FREM1: variants seen among roughly 807,000 people sequenced by gnomAD.
FREM1 encodes the protein FRAS1 related extracellular matrix 1, also known as FRAS1-related extracellular matrix protein 1.
In FREM1, 220 loss-of-function variants were observed where a neutral mutation model predicts 210.1. The observed-to-expected ratio is 1.05, with a 90% CI of 0.94 to 1.17. The LOEUF is 1.17. Among genes scored for constraint, FREM1 ranks in the 50% most tolerant of loss-of-function variants. The pLI is 0.00. For synonymous variants in FREM1, 1,189 were observed against 980.2 expected (o/e 1.21, Z -3.98); for missense variants, 3,454 against 2,675.5 (o/e 1.29, Z -6.42).
At chr9:14,908,901 G>A (rs555382150) in intron 1 of FREM1, among the ~76,000 whole-genome samples, 5 of 152,260 alleles carry the variant, frequency 3.3e-5, no homozygotes, top group Middle Eastern at 3.4e-3. Context: ...GCCTGATGGA[G>A]AGAAACAGCA....
At chr9:14,806,146 C>T (rs1207710297) in intron 18 of FREM1, among the ~76,000 whole-genome samples, 3 of 151,870 alleles carry the variant, frequency 2.0e-5, no homozygotes, top group Non-Finnish European at 2.9e-5. Flanking sequence ...AGTAAATTTG[C>T]ATGCAAGGGG....
At chr9:14,883,645 A>G (rs1361872439) in intron 1 of FREM1, among the ~76,000 whole-genome samples, 3 of 152,370 alleles carry the variant, frequency 2.0e-5, no homozygotes, top group East Asian at 3.9e-4. Flanking sequence ...TAACACCTCA[A>G]AATGAGACGG....
At chr9:14,748,163 AAAG>A (rs1842787815) in intron 31 of FREM1, among the ~76,000 whole-genome samples, 1 of 152,172 alleles carries the variant, frequency 6.6e-6, no homozygotes, top group South Asian at 2.1e-4. Context: ...AAAAGGAATC[AAAG>A]AAGAAATCAT....
chr9:14,806,534 A>G, intron 18 of FREM1, 127 bp downstream of exon 18: 2 of 648,958 alleles, frequency 3.1e-6, no homozygotes. Context: ...GATTACAGGC[A>G]TCAGCCACCA....
intron 1 of FREM1, among the ~76,000 whole-genome samples, chr9:14,886,980 T>A (rs1028088911): frequency 1.3e-5 from 2 of 151,416 alleles, no homozygotes; most frequent in Non-Finnish European, 2.9e-5. Flanking sequence ...TTCATACAAA[T>A]GAATTTCCAA....
At chr9:14,805,176 G>A in intron 18 of FREM1, 24 bp from the exon 19 acceptor site, 1 of 1,416,010 alleles carries the variant, frequency 7.1e-7, no homozygotes, top group Non-Finnish European at 9.3e-7. Flanking sequence ...AGATGGAACA[G>A]ATAAATAAAA....
At chr9:14,825,547 G>GTATATATATATA (rs372128983) in intron 10 of FREM1, among the ~76,000 whole-genome samples, 4 of 75,888 alleles carry the variant, frequency 5.3e-5, no homozygotes, top group South Asian at 4.8e-4. Context: ...GTGTGTGTGT[G>GTATATATATATA]TATATATATA....
intron 24 of FREM1, 62 bp downstream of exon 24, chr9:14,784,308 G>T: frequency 6.7e-7 from 1 of 1,491,880 alleles, no homozygotes; most frequent in Non-Finnish European, 9.2e-7. Context: ...CACATTAACA[G>T]ATCTCCTTTT....
Position 14,824,200 on chromosome 9 carries a change from A to T in FREM1, c.2079-85T>A, listed in dbSNP as rs528194550. The stretch of plus-strand genomic sequence containing the variant: ...ATAGCCCACAATCAAAAACTGAAAG[A>T]CTTCATTGTGAGAAGAAATTGGGTG... On this transcript the variant is annotated intron_variant, in intron 11 of 36. Transcript: ENST00000380880. The T allele has an allele frequency of 6.2e-6, 5 of 806,234 alleles. No individual in the cohort carries two copies. The South Asian group carries it at 8.0e-5, about 13-fold the overall frequency. The allele number at this position is 806,234 out of a possible 1,614,324, so 49.9% of individuals were successfully genotyped here. A position where few individuals can be genotyped will look rare whatever the true frequency, so the allele number is the denominator to read the frequency against.
intron 3 of FREM1, among the ~76,000 whole-genome samples, chr9:14,860,864 C>CATATATACGT (rs1564102725): frequency 2.0e-5 from 1 of 49,878 alleles, no homozygotes; most frequent in Non-Finnish European, 3.2e-5. Flanking sequence ...TATATATACA[C>CATATATACGT]ATATATATAC....
intron 8 of FREM1, among the ~76,000 whole-genome samples, chr9:14,845,106 A>G (rs1226207055): frequency 6.6e-6 from 1 of 152,226 alleles, no homozygotes; most frequent in Non-Finnish European, 1.5e-5. Flanking sequence ...TAAGAAGATA[A>G]TTGAATTAAA....
intron 1 of FREM1, among the ~76,000 whole-genome samples, chr9:14,897,191 T>C (rs1564194148): frequency 6.6e-6 from 1 of 152,216 alleles, no homozygotes; most frequent in Non-Finnish European, 1.5e-5. Flanking sequence ...ACTCACTTTG[T>C]ACCTGGCACT....
At chr9:14,859,611 A>C (rs2131566404) in intron 3 of FREM1, 127 bp from the exon 4 acceptor site, 1 of 752,162 alleles carries the variant, frequency 1.3e-6, no homozygotes, top group Non-Finnish European at 2.2e-6. Context: ...TTTGGATTTC[A>C]TTTCTTGCTC....
At chr9:14,808,395 C>G (rs1818760122) in intron 16 of FREM1, among the ~76,000 whole-genome samples, 1 of 152,176 alleles carries the variant, frequency 6.6e-6, no homozygotes, top group Non-Finnish European at 1.5e-5. Flanking sequence ...ACTGGGCCAA[C>G]AAGGGTCTGA....
chr9:14,770,894 C>T (rs1847450520), intron 25 of FREM1, 88 bp from the exon 26 acceptor site: 2 of 899,764 alleles, frequency 2.2e-6, no homozygotes, highest in Admixed American at 2.2e-5. Flanking sequence ...CAATGACACA[C>T]TGTCCCACGT....
chr9:14,789,054 G>C lies in FREM1; in HGVS notation c.4042C>G (p.Leu1348Val), dbSNP rs1850866832. The C allele has an allele frequency of 1.2e-6, 2 of 1,608,904 alleles. No homozygotes were observed. The highest frequency in any genetic ancestry group is 4.5e-5 in the East Asian group (2 of 44,716). ...GTGTGTGTGTATCTCAGCAAGTTCA[G>C]ATCCACTTCCTCCTGAGTGCATTTC... ...GMKCTQEEVD[L>V]NLLRYTHTGA... The change falls in exon 23 of 37, where the codon CTG (leucine) becomes GTG (valine). Residue 1348 changes from leucine (L) to valine (V), a missense_variant. Leu to Val is a conservative substitution (Grantham distance 32). Coordinates refer to ENST00000380880, the MANE Select transcript of FREM1 (RefSeq NM_001379081.2).
chr9:14,828,634 G>A (rs1822922426), intron 10 of FREM1, among the ~76,000 whole-genome samples: 1 of 107,054 alleles, frequency 9.3e-6, no homozygotes, highest in African/African-American at 3.2e-5. Context: ...AACATAAATT[G>A]TGGCGGGGCG....
chr9:14,788,414 T>C (rs1850741911), intron 23 of FREM1, among the ~76,000 whole-genome samples: 1 of 152,228 alleles, frequency 6.6e-6, no homozygotes, highest in Admixed American at 6.5e-5. Context: ...GAGTATATGT[T>C]AGCACTTTCA....
At chr9:14,750,656 G>C (rs543416327) in intron 29 of FREM1, among the ~76,000 whole-genome samples, 3 of 152,296 alleles carry the variant, frequency 2.0e-5, no homozygotes, top group African/African-American at 7.2e-5. Context: ...TTAAGCTGTT[G>C]ATGCAGACAG....
Sources: gnomAD v4.1 joint callset for allele counts (sites outside exome capture counted in the v4.1 genomes callset) on GRCh38, gnomAD v4.1.1 for gene constraint, MANE v1.5 for transcripts, NCBI Gene and HGNC (gene_info 2026-07-23, HGNC 2026-07-21) for gene names.